NECAB3: variants seen among roughly 807,000 people sequenced by gnomAD.
NECAB3 encodes the protein N-terminal EF-hand calcium binding protein 3.
In NECAB3, 38 loss-of-function variants were observed where a neutral mutation model predicts 57.2. The ratio of observed to expected loss-of-function variants is 0.66; its 90% CI spans 0.51 to 0.87. The LOEUF (loss-of-function observed/expected upper bound fraction) is 0.87. NECAB3 is among the 40% of genes least tolerant of loss of function. The probability of loss-of-function intolerance (pLI) is 0.00; values close to 1 mark genes in which losing one functional copy is unlikely to be tolerated. For missense variants in NECAB3, 474 were observed against 527.5 expected (o/e 0.90, Z 0.99); for synonymous variants, 223 against 222.6 (o/e 1.00, Z -0.02).
chr20:33,667,573 G>A (rs916877182), intron 5 of NECAB3: 2 of 1,559,738 alleles, frequency 1.3e-6, no homozygotes, highest in African/African-American at 1.4e-5. Context: ...GGGCGCGGGC[G>A]TGTGCCACGC....
At position 33,660,276 on chromosome 20, in the gene NECAB3, G is replaced by T; in HGVS notation, c.507C>A (p.Ala169=). The part of the protein sequence containing the change: ...SLEGASDTLE[A]QAHGWRSDAE... ...TTACATACCGCCAGCCATGGGCCTG[G>T]GCCTCCAGGGTATCTGACGCCCCCT... Residue 169 remains alanine (A), a synonymous_variant, in exon 6 of 12, where the codon GCC becomes GCA. Coordinates refer to ENST00000246190, the MANE Select transcript of NECAB3 (RefSeq NM_031232.4). The surrounding 1 kb of genome is among the most constrained non-coding windows in gnomAD (Gnocchi z 4.1). 6.2e-7 allele frequency: 1 copy of T among 1,613,084 alleles called. No individual in the cohort carries two copies.
rs1343001763 is a variant in NECAB3, at chr20:33,674,427, A to G, written c.-75T>C. 3 of 1,083,102 alleles carry G rather than the reference A, an allele frequency of 2.8e-6. No homozygotes were observed. Among genetic ancestry groups the G allele is most frequent in the East Asian group, 1.2e-4 (2 of 16,612 alleles). The allele number at this position is 1,083,102 out of a possible 1,614,324, so 67.1% of individuals were successfully genotyped here. A position where few individuals can be genotyped will look rare whatever the true frequency, so the allele number is the denominator to read the frequency against. On this transcript the variant is annotated 5_prime_UTR_variant, in exon 1 of 12. Coordinates refer to ENST00000246190, the MANE Select transcript of NECAB3 (RefSeq NM_031232.4). ...GCCGCGGCGGACTCGGTGTGGCTAG[A>G]GGCCGCCCCTTGGCGCCGGCGCCGA...
chr20:33,663,529 C>G (rs758953045), intron 5 of NECAB3: 2 of 1,608,396 alleles, frequency 1.2e-6, no homozygotes, highest in South Asian at 1.1e-5. Flanking sequence ...GTTCCACCCC[C>G]AGACCAGGAT....
Position 33,669,721 on chromosome 20 carries a change from A to G in NECAB3, c.264-9T>C. On this transcript the variant is annotated splice_polypyrimidine_tract_variant and intron_variant, in intron 3 of 11. Transcript: ENST00000246190. ...TTTCTGTTTCTAAATTGCTGCAGGG[A>G]AAAGAGAAGGCGCCCTTCAGACCTG... 1 of 1,591,786 alleles carries G rather than the reference A, an allele frequency of 6.3e-7. No individual in the cohort carries two copies. Among genetic ancestry groups the G allele is most frequent in the South Asian group, 1.1e-5 (1 of 87,848 alleles).
chr20:33,661,137 C>T (rs2017463819), intron 5 of NECAB3, among the ~76,000 whole-genome samples: 1 of 152,210 alleles, frequency 6.6e-6, no homozygotes, highest in Non-Finnish European at 1.5e-5. Flanking sequence ...AAGAACGTCC[C>T]AGGAGTTAAT....
At chr20:33,672,143 C>A (rs1188797458) in intron 2 of NECAB3, 3 of 564,160 alleles carry the variant, frequency 5.3e-6, no homozygotes, top group Non-Finnish European at 9.6e-6. Flanking sequence ...TGCCCATCAC[C>A]ATGCCAGGGT....
chr20:33,667,589 C>T (rs1253762242), intron 5 of NECAB3: 2 of 1,573,280 alleles, frequency 1.3e-6, no homozygotes, highest in African/African-American at 1.4e-5. Context: ...CACGCCACGC[C>T]CATCTACGCG....
chr20:33,658,308 G>A (rs1454163930), intron 10 of NECAB3, among the ~76,000 whole-genome samples, 169 bp downstream of exon 10: 1 of 152,196 alleles, frequency 6.6e-6, no homozygotes, highest in Non-Finnish European at 1.5e-5. Context: ...GCCCATAGGA[G>A]TTGGAACTGT....
intron 5 of NECAB3, chr20:33,668,318 C>T: frequency 6.6e-7 from 1 of 1,510,338 alleles, no homozygotes; most frequent in South Asian, 1.3e-5. Context: ...CTGGCAGGGT[C>T]CTCCTGGAGG....
intron 5 of NECAB3, chr20:33,663,691 C>T: frequency 6.4e-7 from 1 of 1,573,808 alleles, no homozygotes. Flanking sequence ...GATGCCGGTA[C>T]TGCTGCTGCT....
Position 33,674,212 on chromosome 20 carries a change from G to T in NECAB3, c.129+12C>A. 8.0e-7 allele frequency: 1 copy of T among 1,257,248 alleles called. No individual in the cohort carries two copies. Among genetic ancestry groups the T allele is most frequent in the Non-Finnish European group, 1.0e-6 (1 of 1,001,198 alleles). The allele number at this position is 1,257,248 out of a possible 1,614,324, so 77.9% of individuals were successfully genotyped here. On this transcript the variant is annotated intron_variant, in intron 1 of 11. Coordinates refer to ENST00000246190, the MANE Select transcript of NECAB3 (RefSeq NM_031232.4). ...TAGGGAGACACCGCGAGCAGAGCCCGCGCCCACTCACGTCCTGGAAGAGCG... is the reference window on the plus strand; with the variant it reads ...TAGGGAGACACCGCGAGCAGAGCCCTCGCCCACTCACGTCCTGGAAGAGCG...
Position 33,672,425 on chromosome 20 carries a change from A to G in NECAB3, c.130-3T>C, listed in dbSNP as rs1181465143. 1 of 1,614,024 alleles carries G rather than the reference A, an allele frequency of 6.2e-7. No homozygotes were observed. Among genetic ancestry groups the G allele is most frequent in the Non-Finnish European group, 8.5e-7 (1 of 1,180,012 alleles). Reference sequence around the variant, plus strand: ...TTCTTGTCTGCTCTGCGGAAAACCTAGAGGACAAAGGGACATAGAGAGAAC... The same window carrying G: ...TTCTTGTCTGCTCTGCGGAAAACCTGGAGGACAAAGGGACATAGAGAGAAC... On this transcript the variant is annotated splice_polypyrimidine_tract_variant and splice_region_variant and intron_variant, in intron 1 of 11. Transcript: ENST00000246190.
intron 3 of NECAB3, chr20:33,670,271 C>A: frequency 5.4e-6 from 1 of 186,648 alleles, no homozygotes; most frequent in Non-Finnish European, 1.1e-5. Flanking sequence ...GCGTGTGCAC[C>A]CCTGGGAGCA....
At position 33,659,689 on chromosome 20, in the gene NECAB3, G is replaced by A. The variant is rs1270467249; in HGVS notation, c.687C>T (p.Asn229=). The change falls in exon 8 of 12, where the codon AAC becomes AAT. Residue 229 remains asparagine (N), a synonymous_variant. Transcript: ENST00000246190. ...GCTGGTCGATGAGCTCCTGGAGGCG[G>A]TTCACCTGGAGCCGCCACTGCATCT... ...EAEMQWRLQV[N]RLQELIDQLE... is the part of the protein sequence containing the mutation. 1 of 1,607,648 alleles carries A rather than the reference G, an allele frequency of 6.2e-7. No individual in the cohort carries two copies. The highest frequency in any genetic ancestry group is 8.5e-7 in the Non-Finnish European group (1 of 1,178,700).
At chr20:33,673,666 G>A (rs1202207859) in intron 1 of NECAB3, among the ~76,000 whole-genome samples, 1 of 152,110 alleles carries the variant, frequency 6.6e-6, no homozygotes, top group African/African-American at 2.4e-5. Context: ...TCTGGAGTTG[G>A]GGCATGAGGG....
intron 11 of NECAB3, 38 bp downstream of exon 11, chr20:33,657,904 C>T (rs1385175423): frequency 6.5e-7 from 1 of 1,548,820 alleles, no homozygotes; most frequent in South Asian, 1.2e-5. Flanking sequence ...AGCCCACTGC[C>T]CCTCCAGGGC....
intron 5 of NECAB3, chr20:33,663,528 C>T (rs2017548727): frequency 6.2e-7 from 1 of 1,608,146 alleles, no homozygotes; most frequent in African/African-American, 1.3e-5. Context: ...TGTTCCACCC[C>T]CAGACCAGGA....
At chr20:33,668,285 T>C in intron 5 of NECAB3, 1 of 1,534,464 alleles carries the variant, frequency 6.5e-7, no homozygotes, top group South Asian at 1.3e-5. Flanking sequence ...CAGCTCTCTA[T>C]CTAAAGAGTC....
chr20:33,668,914 C>T (rs546688471), intron 5 of NECAB3, among the ~76,000 whole-genome samples: 2 of 152,378 alleles, frequency 1.3e-5, no homozygotes, highest in East Asian at 1.9e-4. Flanking sequence ...CACACAAACG[C>T]GTGGGTGTTC....
Sources: gnomAD v4.1 joint callset for allele counts (sites outside exome capture counted in the v4.1 genomes callset) on GRCh38, gnomAD v4.1.1 for gene constraint, Gnocchi (gnomAD v3.1) non-coding constraint, MANE v1.5 for transcripts, NCBI Gene and HGNC (gene_info 2026-07-23, HGNC 2026-07-21) for gene names.